Variants in ARID1B observed in about 807,000 individuals in gnomAD.
ARID1B encodes the protein AT-rich interaction domain 1B.
A neutral mutation model predicts 212.3 loss-of-function variants in ARID1B; 30 were observed. The ratio of observed to expected loss-of-function variants is 0.14; its 90% CI spans 0.11 to 0.19. ARID1B has a LOEUF of 0.19. Ranked by LOEUF, ARID1B falls within the 10% of genes least tolerant of loss-of-function variation. The probability of loss-of-function intolerance (pLI) is 1.00; values close to 1 mark genes in which losing one functional copy is unlikely to be tolerated. For synonymous variants in ARID1B, 1,402 were observed against 1,301.7 expected (o/e 1.08, Z -1.66); for missense variants, 2,891 against 3,204.0 (o/e 0.90, Z 2.36).
At chr6:157,189,300 A>T (rs531985213) in intron 13 of ARID1B, among the ~76,000 whole-genome samples, 4 of 152,132 alleles carry the variant, frequency 2.6e-5, no homozygotes, top group Admixed American at 2.6e-4. Context: ...GTGAATGAAC[A>T]CTCTTCTGCC....
chr6:156,862,887 AG>A (rs1326116835), intron 2 of ARID1B, among the ~76,000 whole-genome samples: 5 of 152,224 alleles, frequency 3.3e-5, no homozygotes, highest in Non-Finnish European at 5.9e-5. Context: ...TGATGAGCTG[AG>A]TTTCATAAGA....
chr6:156,954,611 G>A (rs558152911), intron 4 of ARID1B, among the ~76,000 whole-genome samples: 1 of 152,132 alleles, frequency 6.6e-6, no homozygotes, highest in East Asian at 1.9e-4. Flanking sequence ...TTTATTTGTG[G>A]TAATTTAAAT....
At position 157,200,898 on chromosome 6, in the gene ARID1B, C is replaced by T. The variant is rs1453652388; in HGVS notation, c.4673C>T (p.Pro1558Leu). Residue 1558 changes from proline to leucine, a missense_variant, in exon 18 of 20, where the codon CCG becomes CTG. By Grantham distance (98) the Pro-to-Leu change is moderately conservative. Around this residue, in one of 7 missense-constraint regions of ARID1B, gnomAD observed 666 missense variants for 873.5 expected, o/e 0.76. Transcript: ENST00000636930. This position sits in a 1 kb window ranked among gnomAD's most constrained non-coding sequence, Gnocchi z 4.3. ...YPYSRERMQGPGQIQTHGIPP... is the reference protein window; with the variant it reads ...YPYSRERMQGLGQIQTHGIPP... ...TACAGCAGGGAGAGGATGCAGGGCC[C>T]GGGGCAGATCCAGACACACGGAATC... 23 of 1,613,670 alleles carry T rather than the reference C, an allele frequency of 1.4e-5. No individual in the cohort carries two copies. Among genetic ancestry groups the T allele is most frequent in the Non-Finnish European group, 1.9e-5 (22 of 1,179,950 alleles).
chr6:156,815,073 A>G (rs1583091303), intron 1 of ARID1B, among the ~76,000 whole-genome samples: 2 of 152,170 alleles, frequency 1.3e-5, no homozygotes, highest in East Asian at 1.9e-4. Flanking sequence ...CCTAAAGTGG[A>G]TATACTTTGT....
chr6:157,041,883 A>G (rs558536992), intron 4 of ARID1B, among the ~76,000 whole-genome samples: 127 of 152,134 alleles, frequency 8.3e-4, no homozygotes, highest in African/African-American at 2.9e-3. Flanking sequence ...AAGGTCCCCA[A>G]CGACACACCC....
Position 156,955,560 on chromosome 6 carries a change from A to G in ARID1B, c.2247+19984A>G, listed in dbSNP as rs934212090. ...AATTGAAAGTTATACATAATTTGCT[A>G]TTGACATAATTTTATCTTTATCAAG... is the stretch of plus-strand genomic sequence containing the variant. On this transcript the variant is annotated intron_variant, in intron 4 of 19. Coordinates refer to ENST00000636930, the MANE Select transcript of ARID1B (RefSeq NM_001374828.1). This position sits in a 1 kb window ranked among gnomAD's most constrained non-coding sequence, Gnocchi z 4.2. Among the ~76,000 whole-genome samples the G allele has an allele frequency of 2.0e-5, 3 of 152,222 alleles. No homozygotes were observed. The highest frequency in any genetic ancestry group is 4.4e-5 in the Non-Finnish European group (3 of 68,036).
chr6:156,841,175 G>T (rs1347867558), intron 2 of ARID1B, among the ~76,000 whole-genome samples: 1 of 152,166 alleles, frequency 6.6e-6, no homozygotes, highest in African/African-American at 2.4e-5. Flanking sequence ...GTTTGTGCTG[G>T]GATCACGGAA....
chr6:157,037,398 T>A (rs917628663), intron 4 of ARID1B, among the ~76,000 whole-genome samples: 1 of 152,148 alleles, frequency 6.6e-6, no homozygotes, highest in African/African-American at 2.4e-5. Flanking sequence ...GCTGTATCCA[T>A]GCAAGAAACA....
chr6:157,194,407 TATC>T (rs1793582910), intron 15 of ARID1B: 1 of 152,268 alleles, frequency 6.6e-6, no homozygotes, highest in Non-Finnish European at 1.5e-5. Context: ...TAACAAAATG[TATC>T]TACTCATGAA....
At chr6:157,170,778 C>T (rs765291675) in intron 9 of ARID1B, among the ~76,000 whole-genome samples, 1 of 152,102 alleles carries the variant, frequency 6.6e-6, no homozygotes, top group African/African-American at 2.4e-5. Flanking sequence ...AGGGTCCTCC[C>T]GGTCAGGGCT....
At chr6:156,979,184 C>A (rs1777454177) in intron 4 of ARID1B, among the ~76,000 whole-genome samples, 1 of 152,176 alleles carries the variant, frequency 6.6e-6, no homozygotes, top group Non-Finnish European at 1.5e-5. Flanking sequence ...TGAAAGTTCT[C>A]AGTTGACAAG....
At chr6:157,095,656 TC>T (rs1452898670) in intron 5 of ARID1B, among the ~76,000 whole-genome samples, 15 of 152,178 alleles carry the variant, frequency 9.9e-5, no homozygotes, top group African/African-American at 3.4e-4. Flanking sequence ...TGAGGTTTTT[TC>T]CCCTGATCTT....
At chr6:157,041,046 T>TA (rs1300351941) in intron 4 of ARID1B, among the ~76,000 whole-genome samples, 1 of 152,136 alleles carries the variant, frequency 6.6e-6, no homozygotes, top group African/African-American at 2.4e-5. Context: ...TGCTTCAAAA[T>TA]AAAAAATGGG....
At chr6:157,178,151 C>T (rs1430055253) in intron 11 of ARID1B, among the ~76,000 whole-genome samples, 1 of 152,122 alleles carries the variant, frequency 6.6e-6, no homozygotes, top group Non-Finnish European at 1.5e-5. Context: ...ACTGTGCCCA[C>T]GTTCACTCCA....
At chr6:157,066,562 T>C (rs1213155949) in intron 4 of ARID1B, among the ~76,000 whole-genome samples, 1 of 152,198 alleles carries the variant, frequency 6.6e-6, no homozygotes, top group Non-Finnish European at 1.5e-5. Context: ...TATGATGATA[T>C]TATAGCCTTT....
intron 3 of ARID1B, among the ~76,000 whole-genome samples, chr6:156,924,718 A>G (rs1432303868): frequency 6.6e-6 from 1 of 152,212 alleles, no homozygotes; most frequent in Non-Finnish European, 1.5e-5. Context: ...TCTTGGTTTT[A>G]TGGATGAGGA....
intron 6 of ARID1B, among the ~76,000 whole-genome samples, chr6:157,131,381 A>C (rs1788535763): frequency 1.3e-5 from 2 of 152,140 alleles, no homozygotes; most frequent in South Asian, 4.1e-4. Flanking sequence ...TGAGTGGGAA[A>C]GGGCAAGGGT....
rs767620420 is a variant in ARID1B at position 157,084,678 on chromosome 6, T to C, written c.2264T>C (p.Ile755Thr). ...PSSLPDLSGS[I>T]DDLPTGTEAT... ...CTTTCTTAGGATCTGTCTGGCTCCA[T>C]TGATGACCTCCCCACGGGAACGGAA... Residue 755 changes from isoleucine (I) to threonine (T), a missense_variant, in exon 5 of 20, where the codon ATT (isoleucine) becomes ACT (threonine). Coordinates refer to ENST00000636930, the MANE Select transcript of ARID1B (RefSeq NM_001374828.1). 1 of 1,614,096 alleles carries C rather than the reference T, an allele frequency of 6.2e-7. No individual in the cohort carries two copies. Among genetic ancestry groups the C allele is most frequent in the Non-Finnish European group, 8.5e-7 (1 of 1,180,036 alleles).
intron 7 of ARID1B, among the ~76,000 whole-genome samples, chr6:157,147,149 A>G (rs1789789554): frequency 6.6e-6 from 1 of 151,984 alleles, no homozygotes; most frequent in Non-Finnish European, 1.5e-5. Context: ...CTATCTACAC[A>G]CAATCAAAAG....
Sources: gnomAD v4.1 joint callset for allele counts (sites outside exome capture counted in the v4.1 genomes callset) on GRCh38, gnomAD v4.1.1 for gene constraint, gnomAD v4.1.1 regional missense constraint, Gnocchi (gnomAD v3.1) non-coding constraint, MANE v1.5 for transcripts, NCBI Gene and HGNC (gene_info 2026-07-23, HGNC 2026-07-21) for gene names.